Variants in SORL1 observed in about 807,000 individuals in gnomAD.
SORL1 encodes the protein sortilin related receptor 1, also known as sortilin-related receptor.
In SORL1, 127 loss-of-function variants were observed where a neutral mutation model predicts 273.7. The observed-to-expected ratio is 0.46, with a 90% CI of 0.40 to 0.54. The LOEUF (loss-of-function observed/expected upper bound fraction) is 0.54, where lower values mean the gene tolerates loss of function less well. Among genes scored for constraint, SORL1 ranks in the 20% least tolerant of loss-of-function variants. The pLI, the probability that SORL1 is intolerant of heterozygous loss-of-function variation, is 0.00. For missense variants in SORL1, 2,494 were observed against 2,846.1 expected (o/e 0.88, Z 2.81); for synonymous variants, 1,031 against 1,067.4 (o/e 0.97, Z 0.66).
chr11:121,543,782 T>C (rs1862383100), intron 13 of SORL1, 56 bp downstream of exon 13: 15 of 1,508,004 alleles, frequency 9.9e-6, no homozygotes, highest in African/African-American at 1.4e-5. Flanking sequence ...CTTCCTGTTA[T>C]GTGCAAAGCA....
chr11:121,521,823 T>C (rs1862044881), intron 9 of SORL1, among the ~76,000 whole-genome samples: 1 of 152,238 alleles, frequency 6.6e-6, no homozygotes, highest in Non-Finnish European at 1.5e-5. Flanking sequence ...GCTACCATTT[T>C]TACCTGACCA....
At chr11:121,582,473 C>G (rs1863026929) in intron 25 of SORL1, among the ~76,000 whole-genome samples, 1 of 152,262 alleles carries the variant, frequency 6.6e-6, no homozygotes, top group African/African-American at 2.4e-5. Flanking sequence ...CAGCAATGAA[C>G]AGACACAAAC....
At chr11:121,530,186 A>G (rs995888274) in intron 11 of SORL1, among the ~76,000 whole-genome samples, 2 of 152,246 alleles carry the variant, frequency 1.3e-5, no homozygotes, top group African/African-American at 4.8e-5. Flanking sequence ...TCAAATTATC[A>G]TATGAATTTC....
chr11:121,487,517 CACG>C (rs1235593683), intron 3 of SORL1, among the ~76,000 whole-genome samples: 1 of 152,176 alleles, frequency 6.6e-6, no homozygotes, highest in African/African-American at 2.4e-5. Context: ...GGCATAGCAG[CACG>C]AAGGAGAAGC....
chr11:121,618,521 C>T (rs1191632026), intron 41 of SORL1, among the ~76,000 whole-genome samples: 1 of 152,158 alleles, frequency 6.6e-6, no homozygotes, highest in Non-Finnish European at 1.5e-5. Flanking sequence ...GTATGTTTTT[C>T]TTCTCTGCCC....
intron 1 of SORL1, among the ~76,000 whole-genome samples, chr11:121,464,966 C>T (rs1861061177): frequency 6.6e-6 from 1 of 152,142 alleles, no homozygotes; most frequent in Non-Finnish European, 1.5e-5. Context: ...TCTTGATTAG[C>T]ACTTGAGAAA....
chr11:121,609,803 A>AG (rs754389133), intron 38 of SORL1: 1 of 152,204 alleles, frequency 6.6e-6, no homozygotes, highest in Non-Finnish European at 1.5e-5. Flanking sequence ...CTTATACACT[A>AG]AGCACCATGC....
intron 6 of SORL1, among the ~76,000 whole-genome samples, chr11:121,503,319 A>G (rs1861740995): frequency 6.6e-6 from 1 of 151,766 alleles, no homozygotes; most frequent in African/African-American, 2.4e-5. Flanking sequence ...CTTACAGTCT[A>G]TGATTCATTT....
chr11:121,569,907 C>G (rs764319090), intron 22 of SORL1, among the ~76,000 whole-genome samples: 5 of 152,178 alleles, frequency 3.3e-5, no homozygotes, highest in Non-Finnish European at 7.3e-5. Context: ...CATGTGATGT[C>G]TCCCCAGACA....
intron 6 of SORL1, among the ~76,000 whole-genome samples, chr11:121,509,233 G>A (rs1012579362): frequency 6.6e-6 from 1 of 151,436 alleles, no homozygotes; most frequent in East Asian, 1.9e-4. Flanking sequence ...TAGTGGCCCT[G>A]TGCTTCCCCA....
intron 22 of SORL1, among the ~76,000 whole-genome samples, chr11:121,567,874 T>C (rs1385718964): frequency 6.6e-6 from 1 of 152,198 alleles, no homozygotes. Context: ...TTTCCTTATC[T>C]GTGATTCTAT....
intron 40 of SORL1, among the ~76,000 whole-genome samples, chr11:121,613,682 G>A (rs1381064937): frequency 6.6e-6 from 1 of 152,198 alleles, no homozygotes; most frequent in Non-Finnish European, 1.5e-5. Flanking sequence ...ATAATTCCGT[G>A]AGATATGCCC....
rs746628781 is a variant in SORL1, at chr11:121,550,255, C to T, written c.2180+167C>T. On this transcript the variant is annotated intron_variant, in intron 15 of 47. Coordinates refer to ENST00000260197, the MANE Select transcript of SORL1 (RefSeq NM_003105.6). This position sits in a 1 kb window ranked among gnomAD's most constrained non-coding sequence, Gnocchi z 5.3. Reference sequence around the variant, plus strand: ...ATAAATTATGGTATTTGTAAACTCTCCTACCTCCACATTGCAAGTCTGTAA... The same window carrying T: ...ATAAATTATGGTATTTGTAAACTCTTCTACCTCCACATTGCAAGTCTGTAA... Among the ~76,000 whole-genome samples the T allele has an allele frequency of 3.9e-5, 6 of 152,188 alleles. No individual in the cohort carries two copies. Among genetic ancestry groups the T allele is most frequent in the Non-Finnish European group, 5.9e-5 (4 of 68,032 alleles).
chr11:121,469,020 G>A (rs143144312), intron 1 of SORL1, among the ~76,000 whole-genome samples: 155 of 152,352 alleles, frequency 1.0e-3, no homozygotes, highest in Admixed American at 5.9e-4. Context: ...AAGGCTCAGC[G>A]TGTGGCTGAG....
At chr11:121,576,990 A>G in intron 24 of SORL1, 1 of 1,457,096 alleles carries the variant, frequency 6.9e-7, no homozygotes. Flanking sequence ...AGAAAATAAT[A>G]TATGTGGAGA....
At position 121,554,781 on chromosome 11, in the gene SORL1, G is replaced by A. The variant is rs1182197056; in HGVS notation, c.2440-406G>A. ...TCCAACAATAGCACTTGATGGCTAAGAGCCTCACAGGGAAGAAAGAGTATA... is the reference window on the plus strand; with the variant it reads ...TCCAACAATAGCACTTGATGGCTAAAAGCCTCACAGGGAAGAAAGAGTATA... On this transcript the variant is annotated intron_variant, in intron 17 of 47. Coordinates refer to ENST00000260197, the MANE Select transcript of SORL1 (RefSeq NM_003105.6). The surrounding 1 kb of genome is among the most constrained non-coding windows in gnomAD (Gnocchi z 4.6). 6.6e-6 allele frequency among the ~76,000 whole-genome samples: 1 copy of A among 152,148 alleles called. No homozygotes were observed. Among genetic ancestry groups the A allele is most frequent in the Non-Finnish European group, 1.5e-5 (1 of 68,032 alleles).
At chr11:121,499,898 C>G (rs1355687759) in intron 6 of SORL1, among the ~76,000 whole-genome samples, 1 of 152,214 alleles carries the variant, frequency 6.6e-6, no homozygotes, top group Non-Finnish European at 1.5e-5. Context: ...TGCTTCCTTC[C>G]AGCACCATGA....
intron 12 of SORL1, among the ~76,000 whole-genome samples, chr11:121,533,113 C>T (rs1214701573): frequency 6.6e-6 from 1 of 152,028 alleles, no homozygotes; most frequent in African/African-American, 2.4e-5. Context: ...TTAATTTGTC[C>T]TTCTTTGCTT....
chr11:121,586,387 C>T (rs768145225), intron 27 of SORL1, 58 bp downstream of exon 27: 9 of 1,263,316 alleles, frequency 7.1e-6, no homozygotes, highest in East Asian at 4.6e-5. Flanking sequence ...GAGTGAAGAG[C>T]GTATATTGGA....
Sources: gnomAD v4.1 joint callset for allele counts (sites outside exome capture counted in the v4.1 genomes callset) on GRCh38, gnomAD v4.1.1 for gene constraint, Gnocchi (gnomAD v3.1) non-coding constraint, MANE v1.5 for transcripts, NCBI Gene and HGNC (gene_info 2026-07-23, HGNC 2026-07-21) for gene names.